SAXO1: variants seen among roughly 807,000 people sequenced by gnomAD.
The protein encoded by SAXO1 is 4930500O09Rik.
SAXO1 carries 21 observed loss-of-function variants against 17.5 expected under a neutral mutation model. The observed-to-expected ratio is 1.20, with a 90% confidence interval of 0.85 to 1.72. The LOEUF (loss-of-function observed/expected upper bound fraction) is 1.72, where lower values mean the gene tolerates loss of function less well. Ranked by LOEUF, SAXO1 falls within the 40% of genes most tolerant of loss-of-function variation. The probability of loss-of-function intolerance (pLI) is 0.00; values close to 1 mark genes in which losing one functional copy is unlikely to be tolerated. For synonymous variants in SAXO1, 274 were observed against 216.5 expected (o/e 1.27, Z -2.33); for missense variants, 843 against 596.0 (o/e 1.41, Z -4.32).
At chr9:19,037,981 A>G (rs964631592), upstream of SAXO1, among the ~76,000 whole-genome samples, 4 of 152,250 alleles carry the variant, frequency 2.6e-5, no homozygotes, top group African/African-American at 9.6e-5. Flanking sequence ...AAGAATAAGA[A>G]TAAATGGCTG....
intron 2 of SAXO1, chr9:18,947,598 A>T (rs1182457710): frequency 6.6e-6 from 1 of 152,228 alleles, no homozygotes; most frequent in African/African-American, 2.4e-5. Flanking sequence ...TGGTTTAGCT[A>T]ACAGAATGTC....
chr9:18,977,833 A>G (rs1316980120), intron 1 of SAXO1, among the ~76,000 whole-genome samples: 2 of 151,916 alleles, frequency 1.3e-5, no homozygotes, highest in African/African-American at 4.8e-5. Context: ...GTCTCTACCA[A>G]AAAATACAAA....
Position 19,005,746 on chromosome 9 carries a change from G to C in SAXO1, c.38+27125C>G, listed in dbSNP as rs114046406. Among the ~76,000 whole-genome samples the C allele has an allele frequency of 8.1e-3, 1,239 of 152,170 alleles. 18 individuals are homozygous for C. Among genetic ancestry groups the C allele is most frequent in the African/African-American group, 0.028 (1,170 of 41,514 alleles). The stretch of plus-strand genomic sequence containing the variant: ...TGATTTCTTGGCTATGACATCAAAA[G>C]CACAAAACCAAAGAAAAATAAATTG... On this transcript the variant is annotated intron_variant, in intron 1 of 3. Coordinates refer to ENST00000380534, the MANE Select transcript of SAXO1 (RefSeq NM_153707.4).
At chr9:18,998,141 G>T (rs1221206258) in intron 1 of SAXO1, among the ~76,000 whole-genome samples, 3 of 152,136 alleles carry the variant, frequency 2.0e-5, no homozygotes, top group Non-Finnish European at 4.4e-5. Flanking sequence ...GTAGGCTTCA[G>T]AAGGTTGGTA....
chr9:18,939,597 C>A (rs1221397464), intron 3 of SAXO1, among the ~76,000 whole-genome samples: 2 of 152,196 alleles, frequency 1.3e-5, no homozygotes, highest in Non-Finnish European at 2.9e-5. Context: ...GAAGGCATCA[C>A]ATGTGCTAAA....
At chr9:18,966,826 T>C (rs1234965133) in intron 1 of SAXO1, among the ~76,000 whole-genome samples, 1 of 152,228 alleles carries the variant, frequency 6.6e-6, no homozygotes, top group Non-Finnish European at 1.5e-5. Context: ...AGAGGCATTC[T>C]GGTTTTTGGA....
chr9:19,005,948 AC>A lies in SAXO1; in HGVS notation c.38+26922del, dbSNP rs528047391. Reference sequence around the variant, plus strand: ...TTTTAAAATGGCAAAAACAAAAAAAACAAACAAACAACCCACCTTGAGTAGA... The same window carrying A: ...TTTTAAAATGGCAAAAACAAAAAAAAAAACAAACAACCCACCTTGAGTAGA... On this transcript the variant is annotated intron_variant, in intron 1 of 3. Transcript: ENST00000380534. 3.3e-3 allele frequency among the ~76,000 whole-genome samples: 509 copies of A among 152,008 alleles called. 5 individuals are homozygous for A. The highest frequency in any genetic ancestry group is 0.012 in the African/African-American group (480 of 41,302).
At chr9:18,995,791 T>C (rs1042792063) in intron 1 of SAXO1, among the ~76,000 whole-genome samples, 1 of 152,172 alleles carries the variant, frequency 6.6e-6, no homozygotes, top group Non-Finnish European at 1.5e-5. Flanking sequence ...AAAAGTTTTA[T>C]TATATAAGCT....
At chr9:18,962,208 T>C (rs564635974) in intron 1 of SAXO1, among the ~76,000 whole-genome samples, 16 of 152,234 alleles carry the variant, frequency 1.1e-4, no homozygotes, top group Non-Finnish European at 2.2e-4. Flanking sequence ...GCTGGAATTA[T>C]AGGCATGTGC....
intron 1 of SAXO1, among the ~76,000 whole-genome samples, chr9:19,006,901 C>T (rs139867771): frequency 2.8e-4 from 43 of 151,808 alleles, no homozygotes; most frequent in African/African-American, 9.9e-4. Flanking sequence ...AAAAATTAGC[C>T]AGGTGTGGTG....
chr9:18,993,893 C>T (rs914698908), intron 1 of SAXO1, among the ~76,000 whole-genome samples: 2 of 152,136 alleles, frequency 1.3e-5, no homozygotes, highest in South Asian at 2.1e-4. Context: ...GAATCCTAAC[C>T]CCCAACTCAG....
chr9:19,039,895 A>T (rs377750401), intron 1 of SAXO1, among the ~76,000 whole-genome samples: 8 of 152,072 alleles, frequency 5.3e-5, no homozygotes, highest in African/African-American at 1.7e-4. Flanking sequence ...CACCCAGCTA[A>T]TTTTTGTATT....
At chr9:18,980,054 G>C (rs775154679) in intron 1 of SAXO1, among the ~76,000 whole-genome samples, 4 of 152,138 alleles carry the variant, frequency 2.6e-5, no homozygotes, top group Admixed American at 6.5e-5. Context: ...AGAAAAGGGA[G>C]TCTACTTGAG....
chr9:18,978,195 C>G (rs1563958123), intron 1 of SAXO1, among the ~76,000 whole-genome samples: 1 of 151,984 alleles, frequency 6.6e-6, no homozygotes, highest in Non-Finnish European at 1.5e-5. Flanking sequence ...TTCTTGGATC[C>G]ACCCCCAACC....
At position 18,934,042 on chromosome 9, in the gene SAXO1, G is replaced by A. The variant is rs571897865; in HGVS notation, c.422-4987C>T. Among the ~76,000 whole-genome samples the A allele has an allele frequency of 3.7e-4, 55 of 150,608 alleles. 2 individuals carry two copies. The South Asian group carries it at 0.01, about 29-fold the overall frequency. On this transcript the variant is annotated intron_variant, in intron 3 of 3. Transcript: ENST00000380534. Reference sequence around the variant, plus strand: ...AGCCTGAGTGACAGAGCGAGACTCCGTCTCAAAAATAATAATAATAATAAT... The same window carrying A: ...AGCCTGAGTGACAGAGCGAGACTCCATCTCAAAAATAATAATAATAATAAT...
chr9:18,941,908 C>A, intron 2 of SAXO1, 69 bp from the exon 3 acceptor site: 1 of 1,438,248 alleles, frequency 7.0e-7, no homozygotes, highest in Non-Finnish European at 9.8e-7. Flanking sequence ...TCTGCTCAAC[C>A]CAACTCTACA....
upstream of SAXO1, among the ~76,000 whole-genome samples, chr9:19,038,200 G>A (rs1042817027): frequency 3.3e-5 from 5 of 152,140 alleles, no homozygotes; most frequent in Non-Finnish European, 7.3e-5. Context: ...GCAGTGTGGC[G>A]ATTCCTCAGG....
intron 1 of SAXO1, among the ~76,000 whole-genome samples, chr9:18,959,297 T>A (rs191886051): frequency 3.0e-4 from 46 of 152,212 alleles, no homozygotes; most frequent in African/African-American, 9.1e-4. Context: ...CAGATAGGAA[T>A]ACTCTGATGA....
chr9:18,963,155 T>C (rs1832559640), intron 1 of SAXO1, among the ~76,000 whole-genome samples: 3 of 152,228 alleles, frequency 2.0e-5, no homozygotes, highest in Non-Finnish European at 4.4e-5. Flanking sequence ...TCCATTTGTC[T>C]ACATATCTGT....
Sources: allele counts gnomAD v4.1 joint callset (sites outside exome capture counted in the v4.1 genomes callset), GRCh38; gene constraint gnomAD v4.1.1; transcripts MANE v1.5; gene names NCBI Gene and HGNC (gene_info 2026-07-23, HGNC 2026-07-21).